The following BAZ2B variants were observed in gnomAD, a reference collection of about 807,000 sequenced individuals.
BAZ2B encodes bromodomain adjacent to zinc finger domain protein 2B.
A neutral mutation model predicts 246.0 loss-of-function variants in BAZ2B; 91 were observed. The observed-to-expected ratio is 0.37, with a 90% CI of 0.31 to 0.44. The LOEUF is 0.44. Ranked by LOEUF, BAZ2B falls within the 20% of genes least tolerant of loss-of-function variation. The pLI is 1.00. For synonymous variants in BAZ2B, 855 were observed against 860.0 expected (o/e 0.99, Z 0.10); for missense variants, 2,332 against 2,533.7 (o/e 0.92, Z 1.71).
At chr2:159,683,284 C>G in the BAZ2B span, among the ~76,000 whole-genome samples, 1 of 152,200 alleles carries the variant, frequency 6.6e-6, no homozygotes, top group East Asian at 1.9e-4. Context: ...TCTTGCTATG[C>G]TCTCCAGGCT....
chr2:159,350,554 TTTTG>T (rs1421917808), intron 27 of BAZ2B, among the ~76,000 whole-genome samples, 197 bp from the exon 28 acceptor site: 1 of 151,814 alleles, frequency 6.6e-6, no homozygotes, highest in Non-Finnish European at 1.5e-5. Context: ...TATATATATA[TTTTG>T]TTTGTTGGTT....
chr2:159,570,299 C>T (rs994888714), intron 1 of BAZ2B, among the ~76,000 whole-genome samples: 2 of 151,860 alleles, frequency 1.3e-5, no homozygotes, highest in African/African-American at 2.4e-5. Context: ...ATTCTCTTGC[C>T]TCAGCCTCCC....
chr2:159,421,473 C>A (rs919169278), intron 13 of BAZ2B, among the ~76,000 whole-genome samples: 3 of 152,116 alleles, frequency 2.0e-5, no homozygotes, highest in African/African-American at 7.2e-5. Flanking sequence ...CTGTGCTGGG[C>A]CTTTTATCCC....
chr2:159,349,621 T>G lies in BAZ2B; in HGVS notation c.4863+87A>C, dbSNP rs938510451. 18 of 1,351,102 alleles carry G rather than the reference T, an allele frequency of 1.3e-5. No individual in the cohort carries two copies. The African/African-American group carries it at 2.1e-4, about 16-fold the overall frequency. 83.7% of individuals were successfully genotyped at this position (1,351,102 alleles called of 1,614,324 possible). Reference sequence around the variant, plus strand: ...CTGTAGCAGGAATATTTTAACTATCTGAGTGAGCCCCCTTGAGCAAAAATC... The same window carrying G: ...CTGTAGCAGGAATATTTTAACTATCGGAGTGAGCCCCCTTGAGCAAAAATC... On this transcript the variant is annotated intron_variant, in intron 28 of 36. Transcript: ENST00000392783.
intron 20 of BAZ2B, 93 bp downstream of exon 20, chr2:159,395,676 C>T (rs1385125417): frequency 1.8e-5 from 21 of 1,176,054 alleles, no homozygotes; most frequent in Non-Finnish European, 1.9e-5. Flanking sequence ...CACAACAAAC[C>T]TATATTCTGA....
chr2:159,401,839 A>G (rs2065123405), intron 16 of BAZ2B, among the ~76,000 whole-genome samples: 1 of 152,188 alleles, frequency 6.6e-6, no homozygotes, highest in Non-Finnish European at 1.5e-5. Flanking sequence ...ATGAGAATAA[A>G]TACAAGTTAA....
At chr2:159,388,704 T>C (rs1165364999) in intron 21 of BAZ2B, among the ~76,000 whole-genome samples, 4 of 151,498 alleles carry the variant, frequency 2.6e-5, no homozygotes, top group Admixed American at 6.6e-5. Context: ...ACATGTTCAA[T>C]AAAGGTTTGC....
intron 34 of BAZ2B, among the ~76,000 whole-genome samples, chr2:159,332,326 C>CTCA (rs2064920628): frequency 7.1e-6 from 1 of 141,376 alleles, no homozygotes; most frequent in Non-Finnish European, 1.5e-5. Flanking sequence ...ATCTCTCTCT[C>CTCA]AAAAAAAAAA....
At chr2:159,438,761 A>G in intron 7 of BAZ2B, 66 bp from the exon 8 acceptor site, 1 of 1,490,264 alleles carries the variant, frequency 6.7e-7, no homozygotes, top group African/African-American at 1.4e-5. Context: ...AAGCAGTAAA[A>G]CCTGGAGATA....
In BAZ2B at chr2:159,446,938, A is replaced by G. The variant is rs2074336387; in HGVS notation, c.540T>C (p.Ser180=). 1.9e-6 allele frequency: 3 copies of G among 1,595,340 alleles called. No individual in the cohort carries two copies. The highest frequency in any genetic ancestry group is 2.6e-6 in the Non-Finnish European group (3 of 1,172,764). The change falls in exon 6 of 37, where the codon TCT becomes TCC. Residue 180 remains serine (S), a synonymous_variant. Coordinates refer to ENST00000392783, the MANE Select transcript of BAZ2B (RefSeq NM_013450.4). ...NGSINGSNTS[S]VIGINTSVLS... is the part of the protein sequence containing the mutation. ...GTACAGATGTGTTGATACCAATTACAGATGATGTATTACTTCCATTTATTG... is the reference window on the plus strand; with the variant it reads ...GTACAGATGTGTTGATACCAATTACGGATGATGTATTACTTCCATTTATTG...
At chr2:159,509,676 C>G (rs1433451998) in intron 2 of BAZ2B, among the ~76,000 whole-genome samples, 1 of 152,002 alleles carries the variant, frequency 6.6e-6, no homozygotes, top group Non-Finnish European at 1.5e-5. Flanking sequence ...AAAACAGGGA[C>G]TTGAAAACAT....
intron 20 of BAZ2B, chr2:159,395,301 C>T (rs1201538457): frequency 6.6e-6 from 1 of 152,328 alleles, no homozygotes; most frequent in Non-Finnish European, 1.5e-5. Context: ...GATTGTACTG[C>T]AATAATTTTC....
In BAZ2B at chr2:159,478,492, T is replaced by C. The variant is rs191709926; in HGVS notation, c.145+83A>G. On this transcript the variant is annotated intron_variant, in intron 3 of 36. Transcript: ENST00000392783. ...AACAGGTCAATGCAAGTCATGAGAATATTTTATTCAGTGCTCAATAAAATA... is the reference window on the plus strand; with the variant it reads ...AACAGGTCAATGCAAGTCATGAGAACATTTTATTCAGTGCTCAATAAAATA... 3.9e-5 allele frequency: 54 copies of C among 1,396,208 alleles called. No individual in the cohort carries two copies. In the East Asian group the frequency reaches 1.2e-3, roughly 30 times the overall value. The allele number at this position is 1,396,208 out of a possible 1,614,324, so 86.5% of individuals were successfully genotyped here.
intron 1 of BAZ2B, among the ~76,000 whole-genome samples, chr2:159,567,139 A>T (rs1483957663): frequency 6.6e-6 from 1 of 152,116 alleles, no homozygotes; most frequent in Admixed American, 6.5e-5. Context: ...GCTACTCAGG[A>T]GGCTGACGCA....
chr2:159,673,765 C>T, the BAZ2B span, among the ~76,000 whole-genome samples: 71 of 151,560 alleles, frequency 4.7e-4, no homozygotes, highest in Middle Eastern at 3.4e-3. Flanking sequence ...TAAAAAAGTA[C>T]ATAGAGTAGC....
At chr2:159,432,618 G>A in intron 9 of BAZ2B, 139 bp downstream of exon 9, 1 of 1,149,970 alleles carries the variant, frequency 8.7e-7, no homozygotes, top group Non-Finnish European at 1.2e-6. Context: ...TGTATTTTAT[G>A]AGCTCATTAT....
In BAZ2B at chr2:159,319,409, C is replaced by T. The variant is rs1047313019; in HGVS notation, c.*856G>A. 1 of 152,544 alleles carries T rather than the reference C, an allele frequency of 6.6e-6. No homozygotes were observed. The highest frequency in any genetic ancestry group is 2.4e-5 in the African/African-American group (1 of 41,410). The allele number at this position is 152,544 out of a possible 1,614,324, so 9.4% of individuals were successfully genotyped here. On this transcript the variant is annotated 3_prime_UTR_variant, in exon 37 of 37. Transcript: ENST00000392783. The surrounding 1 kb of genome is among the most constrained non-coding windows in gnomAD (Gnocchi z 4.0). ...GGCACTACCAAGATTAAGGAGACGC[C>T]ACAGTGTTGGTAGAGGATAATTACT...
chr2:159,403,811 T>C (rs774254797), intron 16 of BAZ2B, among the ~76,000 whole-genome samples: 5 of 152,190 alleles, frequency 3.3e-5, no homozygotes, highest in Non-Finnish European at 5.9e-5. Context: ...TTATCTCATT[T>C]ATTCAGATAT....
At chr2:159,547,898 A>G (rs1310278506) in intron 2 of BAZ2B, among the ~76,000 whole-genome samples, 4 of 152,222 alleles carry the variant, frequency 2.6e-5, no homozygotes, top group Non-Finnish European at 5.9e-5. Flanking sequence ...GTTCAAAAGA[A>G]GCTAAACTTA....
Sources: allele counts gnomAD v4.1 joint callset (sites outside exome capture counted in the v4.1 genomes callset), GRCh38; gene constraint gnomAD v4.1.1; non-coding constraint Gnocchi (gnomAD v3.1); transcripts MANE v1.5; gene names NCBI Gene and HGNC (gene_info 2026-07-23, HGNC 2026-07-21).